The following DOP1B variants were observed in gnomAD, a reference collection of about 807,000 sequenced individuals.
DOP1B encodes the protein DOP1 leucine zipper like protein B.
Under a neutral mutation model 233.5 loss-of-function variants are expected in DOP1B, and 174 were observed. The ratio of observed to expected loss-of-function variants is 0.75; its 90% CI spans 0.66 to 0.85. The LOEUF is 0.85. Ranked by LOEUF, DOP1B falls within the 40% of genes least tolerant of loss-of-function variation. DOP1B has a pLI of 0.00. For missense variants in DOP1B, 2,652 were observed against 2,846.6 expected (o/e 0.93, Z 1.56); for synonymous variants, 1,190 against 1,185.6 (o/e 1.00, Z -0.08).
rs2066538787 is a variant in DOP1B at position 36,214,537 on chromosome 21, G to T, written c.1110G>T (p.Leu370=). ...AGCCTTTTCGCGTCCTCATCAGTCT[G>T]CTTGACAAGCCAGAAATAGGTAATG... is the stretch of plus-strand genomic sequence containing the variant. The part of the protein sequence containing the change: ...YLKPFRVLIS[L]LDKPEIGPQV... Residue 370 remains leucine (L), a synonymous_variant, in exon 9 of 37, where the codon CTG becomes CTT. Coordinates refer to ENST00000691173, the MANE Select transcript of DOP1B (RefSeq NM_001320714.2). 2 of 1,613,844 alleles carry T rather than the reference G, an allele frequency of 1.2e-6. No homozygotes were observed. The highest frequency in any genetic ancestry group is 4.5e-5 in the East Asian group (2 of 44,884).
rs139969090 is a variant in DOP1B, at chr21:36,278,240, G to A, written c.5854G>A (p.Ala1952Thr). 7.8e-5 allele frequency: 126 copies of A among 1,613,942 alleles called. No individual in the cohort carries two copies. The highest frequency in any genetic ancestry group is 1.0e-4 in the Non-Finnish European group (120 of 1,180,040). ...CAATGCTCCCAGCTTCCGGGCTGGCGCTCAGCTGCTGAGCTCCCTGAGTGG... is the reference window on the plus strand; with the variant it reads ...CAATGCTCCCAGCTTCCGGGCTGGCACTCAGCTGCTGAGCTCCCTGAGTGG... ...AYNAPSFRAG[A>T]QLLSSLSGYA... The change falls in exon 30 of 37, where the codon GCT (alanine) becomes ACT (threonine). Residue 1952 changes from alanine to threonine, a missense_variant. Ala to Thr is a moderately conservative substitution (Grantham distance 58, BLOSUM62 0). Transcript: ENST00000691173.
chr21:36,190,876 A>T (rs2066225806), intron 2 of DOP1B, among the ~76,000 whole-genome samples: 1 of 152,156 alleles, frequency 6.6e-6, no homozygotes, highest in Admixed American at 6.6e-5. Context: ...TGGATGGAGG[A>T]TGGAGATGAG....
chr21:36,202,511 A>C (rs1454061795), intron 4 of DOP1B, among the ~76,000 whole-genome samples: 1 of 152,192 alleles, frequency 6.6e-6, no homozygotes, highest in African/African-American at 2.4e-5. Context: ...CCAGGAATCA[A>C]TCCAAGGTCC....
chr21:36,242,981 C>CTTTTTTTTTTT lies in DOP1B; in HGVS notation c.3068-2061_3068-2051dup, dbSNP rs35476479. On this transcript the variant is annotated intron_variant, in intron 18 of 36. Coordinates refer to ENST00000691173, the MANE Select transcript of DOP1B (RefSeq NM_001320714.2). ...ATGAGAATGACAGATTTCTTCTTTT[C>CTTTTTTTTTTT]TTTTTTTTTTTTTTTTGAGATGGAG... Among the ~76,000 whole-genome samples, 2 of 127,190 alleles carry CTTTTTTTTTTT rather than the reference C, an allele frequency of 1.6e-5. 1 individual carries two copies. The highest frequency in any genetic ancestry group is 6.0e-5 in the African/African-American group (2 of 33,294). The allele number at this position is 127,190 out of a possible 152,430, so 83.4% of individuals were successfully genotyped here.
intron 5 of DOP1B, among the ~76,000 whole-genome samples, chr21:36,210,640 G>C (rs1457061026): frequency 1.3e-5 from 2 of 152,030 alleles, no homozygotes; most frequent in African/African-American, 4.8e-5. Context: ...GCGAGACTCT[G>C]TCTGAAAAAC....
At chr21:36,257,709 T>TGTAG (rs147594587) in intron 23 of DOP1B, among the ~76,000 whole-genome samples, 1 of 137,984 alleles carries the variant, frequency 7.2e-6, no homozygotes, top group Non-Finnish European at 1.6e-5. Flanking sequence ...GAGAGATGGA[T>TGTAG]GTAGGTAGGT....
At chr21:36,167,966 T>G (rs2065932350) in intron 2 of DOP1B, among the ~76,000 whole-genome samples, 1 of 124,324 alleles carries the variant, frequency 8.0e-6, no homozygotes. Context: ...TTTTTCGAGA[T>G]GGAATCTCAC....
intron 5 of DOP1B, 91 bp downstream of exon 5, chr21:36,208,995 G>A: frequency 1.5e-6 from 2 of 1,336,362 alleles, no homozygotes; most frequent in Admixed American, 6.8e-5. Context: ...GCTGCAAAGG[G>A]ACATCCAGGA....
intron 10 of DOP1B, among the ~76,000 whole-genome samples, chr21:36,220,847 G>T (rs1175267866): frequency 6.6e-6 from 1 of 151,854 alleles, no homozygotes; most frequent in East Asian, 1.9e-4. Flanking sequence ...GTCTCACTCT[G>T]TCTCCCAGGC....
chr21:36,279,448 A>C (rs968186166), intron 30 of DOP1B, among the ~76,000 whole-genome samples: 3 of 152,088 alleles, frequency 2.0e-5, no homozygotes, highest in Admixed American at 6.6e-5. Context: ...AGAAAGAAAG[A>C]AAGCCACTCC....
intron 21 of DOP1B, among the ~76,000 whole-genome samples, chr21:36,250,018 C>G (rs193165754): frequency 2.0e-5 from 3 of 152,270 alleles, no homozygotes; most frequent in African/African-American, 7.2e-5. Flanking sequence ...TCTGAGCCTC[C>G]ATTTCCTCGT....
intron 31 of DOP1B, 71 bp downstream of exon 31, chr21:36,280,417 T>C (rs2067402364): frequency 3.5e-6 from 4 of 1,153,860 alleles, no homozygotes; most frequent in Admixed American, 2.0e-5. Context: ...GCTTTCATCA[T>C]GTATTTCCGA....
chr21:36,263,424 G>T (rs1229084141), intron 24 of DOP1B, 122 bp from the exon 25 acceptor site: 10 of 762,178 alleles, frequency 1.3e-5, no homozygotes, highest in South Asian at 1.1e-4. Context: ...AAAAGAAAAA[G>T]GTCAGTGAGG....
intron 15 of DOP1B, among the ~76,000 whole-genome samples, chr21:36,236,003 C>T (rs1199085160): frequency 6.6e-6 from 1 of 152,136 alleles, no homozygotes; most frequent in Non-Finnish European, 1.5e-5. Flanking sequence ...TTAACTTGAT[C>T]TATGCAGAGA....
At chr21:36,226,951 A>C (rs144068955) in intron 12 of DOP1B, among the ~76,000 whole-genome samples, 1 of 152,056 alleles carries the variant, frequency 6.6e-6, no homozygotes, top group Non-Finnish European at 1.5e-5. Context: ...CACGTCTGTA[A>C]TCCCAGCACT....
chr21:36,246,062 C>T lies in DOP1B; in HGVS notation c.4082C>T (p.Ser1361Leu). Residue 1361 changes from serine (S) to leucine (L), a missense_variant, in exon 19 of 37, where the codon TCA (serine) becomes TTA (leucine). Around this residue, in one of 3 missense-constraint regions of DOP1B, gnomAD observed 2,617 missense variants for 2,794.3 expected, o/e 0.94. Coordinates refer to ENST00000691173, the MANE Select transcript of DOP1B (RefSeq NM_001320714.2). The surrounding 1 kb of genome is among the most constrained non-coding windows in gnomAD (Gnocchi z 5.1). ...ATCAGGATAATGATGCAGCTGGTCT[C>T]AGTGGCCAAGTCTTCGGAAGGGAAG... The part of the protein sequence containing the change: ...VLIRIMMQLV[S>L]VAKSSEGKNV... 6.2e-7 allele frequency: 1 copy of T among 1,614,042 alleles called. No homozygotes were observed. Among genetic ancestry groups the T allele is most frequent in the Non-Finnish European group, 8.5e-7 (1 of 1,180,038 alleles).
chr21:36,241,414 C>G (rs937849431), intron 18 of DOP1B, among the ~76,000 whole-genome samples: 7 of 151,976 alleles, frequency 4.6e-5, no homozygotes, highest in South Asian at 2.1e-4. Context: ...CCAGACACCC[C>G]CCTCTCCAGA....
At chr21:36,264,134 T>A (rs1255966473) in intron 26 of DOP1B, among the ~76,000 whole-genome samples, 1 of 152,236 alleles carries the variant, frequency 6.6e-6, no homozygotes, top group East Asian at 1.9e-4. Context: ...AGAAATCTTA[T>A]TTCCCCCCAG....
chr21:36,211,714 C>G (rs1258795911), intron 6 of DOP1B, 63 bp downstream of exon 6: 16 of 1,541,298 alleles, frequency 1.0e-5, no homozygotes, highest in Non-Finnish European at 1.4e-5. Flanking sequence ...ATATAGATCT[C>G]AAGCAGTTCT....
Sources: gnomAD v4.1 joint callset for allele counts (sites outside exome capture counted in the v4.1 genomes callset) on GRCh38, gnomAD v4.1.1 for gene constraint, gnomAD v4.1.1 regional missense constraint, Gnocchi (gnomAD v3.1) non-coding constraint, MANE v1.5 for transcripts, NCBI Gene and HGNC (gene_info 2026-07-23, HGNC 2026-07-21) for gene names.